Variants in UST observed in about 807,000 individuals in gnomAD.
UST encodes chondroitin sulfate 2-O-sulfotransferase.
In UST, 21 loss-of-function variants were observed where a neutral mutation model predicts 45.6. The observed-to-expected ratio is 0.46, with a 90% CI of 0.33 to 0.66. The LOEUF is 0.66. UST is among the 30% of genes least tolerant of loss of function. The pLI, the probability that UST is intolerant of heterozygous loss-of-function variation, is 0.02. For missense variants in UST, 463 were observed against 512.4 expected (o/e 0.90, Z 0.93); for synonymous variants, 215 against 200.6 (o/e 1.07, Z -0.61).
At chr6:149,048,063 T>G (rs957563892) in intron 7 of UST, among the ~76,000 whole-genome samples, 2 of 152,040 alleles carry the variant, frequency 1.3e-5, no homozygotes, top group African/African-American at 4.8e-5. Context: ...AGCTAAATGT[T>G]TAGGGAAAAA....
chr6:148,816,815 C>G (rs1168660127), intron 1 of UST, among the ~76,000 whole-genome samples: 2 of 152,094 alleles, frequency 1.3e-5, no homozygotes, highest in Non-Finnish European at 2.9e-5. Flanking sequence ...GAATGTTACA[C>G]TCATTTGTGG....
chr6:149,057,168 C>G (rs1776576501), intron 7 of UST, among the ~76,000 whole-genome samples: 4 of 152,064 alleles, frequency 2.6e-5, no homozygotes, highest in Admixed American at 2.0e-4. Flanking sequence ...ATCTGAGTAC[C>G]CAGTTCATAG....
intron 2 of UST, among the ~76,000 whole-genome samples, chr6:148,928,309 T>C (rs574808777): frequency 1.2e-4 from 18 of 152,356 alleles, no homozygotes; most frequent in African/African-American, 4.3e-4. Context: ...TTGACCATTA[T>C]AGGGGAAGTC....
At chr6:148,910,840 A>G (rs1177543626) in intron 2 of UST, among the ~76,000 whole-genome samples, 1 of 152,206 alleles carries the variant, frequency 6.6e-6, no homozygotes, top group Non-Finnish European at 1.5e-5. Flanking sequence ...CACTGATGAT[A>G]GAAAGGTGTC....
At chr6:148,867,096 C>T (rs71568262) in intron 1 of UST, among the ~76,000 whole-genome samples, 4,928 of 152,228 alleles carry the variant, frequency 0.032, 88 homozygotes, top group Middle Eastern at 0.092. Flanking sequence ...CTCACATCCA[C>T]GTAACCCCAG....
chr6:148,979,904 A>T (rs1781095913), intron 5 of UST, among the ~76,000 whole-genome samples: 1 of 152,192 alleles, frequency 6.6e-6, no homozygotes, highest in Admixed American at 6.5e-5. Context: ...TTAGGTCATT[A>T]ATTTCATAAA....
chr6:148,902,475 A>T (rs67521789), intron 2 of UST, among the ~76,000 whole-genome samples: 17,279 of 151,332 alleles, frequency 0.11, 1,145 homozygotes, highest in Non-Finnish European at 0.15. Context: ...GGCTTAAGCG[A>T]TCCTCCCGCC....
Sources: gnomAD v4.1 joint callset for allele counts (sites outside exome capture counted in the v4.1 genomes callset) on GRCh38, gnomAD v4.1.1 for gene constraint, MANE v1.5 for transcripts, NCBI Gene and HGNC (gene_info 2026-07-23, HGNC 2026-07-21) for gene names.